Variants in CPA6 observed in about 807,000 individuals in gnomAD.
CPA6 encodes carboxypeptidase A6.
Under a neutral mutation model 63.3 loss-of-function variants are expected in CPA6, and 58 were observed. The ratio of observed to expected loss-of-function variants is 0.92; its 90% CI spans 0.74 to 1.14. The LOEUF is 1.14. CPA6 is among the 50% of genes most tolerant of loss of function. CPA6 has a pLI of 0.00. For missense variants in CPA6, 565 were observed against 526.6 expected (o/e 1.07, Z -0.71); for synonymous variants, 185 against 179.0 (o/e 1.03, Z -0.27).
intron 1 of CPA6, among the ~76,000 whole-genome samples, chr8:67,656,582 A>G (rs1442624462): frequency 6.6e-6 from 1 of 152,150 alleles, no homozygotes; most frequent in Non-Finnish European, 1.5e-5. Flanking sequence ...AAGAGTTCTC[A>G]AGTTCATGTC....
intron 1 of CPA6, among the ~76,000 whole-genome samples, chr8:67,715,092 T>G (rs1817350034): frequency 2.0e-5 from 3 of 150,788 alleles, no homozygotes; most frequent in African/African-American, 7.3e-5. Flanking sequence ...GTGGTTTTTG[T>G]TTTTTTTTCC....
chr8:67,622,795 C>T (rs1815111341), intron 2 of CPA6, among the ~76,000 whole-genome samples: 1 of 152,196 alleles, frequency 6.6e-6, no homozygotes, highest in African/African-American at 2.4e-5. Flanking sequence ...AAACATTTTT[C>T]TATTTCATAT....
chr8:67,696,457 A>T (rs954499898), intron 1 of CPA6, among the ~76,000 whole-genome samples: 7 of 152,236 alleles, frequency 4.6e-5, no homozygotes, highest in Non-Finnish European at 8.8e-5. Flanking sequence ...TTCTTTGGAC[A>T]GTTTGATGGC....
intron 2 of CPA6, among the ~76,000 whole-genome samples, chr8:67,585,536 A>G (rs990918143): frequency 6.6e-6 from 1 of 152,162 alleles, no homozygotes; most frequent in African/African-American, 2.4e-5. Context: ...TCGGTAGATA[A>G]GAAATTGAAG....
At chr8:67,745,941 G>T in intron 1 of CPA6, 73 bp downstream of exon 1, 1 of 1,042,346 alleles carries the variant, frequency 9.6e-7, no homozygotes, top group Non-Finnish European at 1.4e-6. Flanking sequence ...GAAAAAGTGA[G>T]GCACACTCTG....
At position 67,422,679 on chromosome 8, in the gene CPA6, C is replaced by T. The variant is rs1489206728; in HGVS notation, c.1139G>A (p.Gly380Asp). 2 of 1,609,168 alleles carry T rather than the reference C, an allele frequency of 1.2e-6. No individual in the cohort carries two copies. The highest frequency in any genetic ancestry group is 1.7e-6 in the Non-Finnish European group (2 of 1,177,692). The change falls in exon 11 of 11, where the codon GGT (glycine) becomes GAT (aspartate). Residue 380 changes from glycine (G) to aspartate (D), a missense_variant. Physicochemically the swap from Gly to Asp is moderately conservative, Grantham distance 94. Coordinates refer to ENST00000297770, the MANE Select transcript of CPA6 (RefSeq NM_020361.5). The part of the protein sequence containing the change: ...PASTTLYVSS[G>D]SSMDWAYKNG... Reference sequence around the variant, plus strand: ...TTTGTAGGCCCAATCCATTGAGCTACCAGAGCTCACATCTAAAAGTTAAAA... The same window carrying T: ...TTTGTAGGCCCAATCCATTGAGCTATCAGAGCTCACATCTAAAAGTTAAAA...
chr8:67,611,446 C>T (rs111924560), intron 2 of CPA6, among the ~76,000 whole-genome samples: 2 of 152,232 alleles, frequency 1.3e-5, no homozygotes, highest in African/African-American at 4.8e-5. Context: ...ACAACGAGAA[C>T]CTTATTTTAT....
intron 8 of CPA6, 58 bp from the exon 9 acceptor site, chr8:67,434,298 C>A: frequency 1.5e-6 from 2 of 1,326,056 alleles, no homozygotes; most frequent in South Asian, 1.2e-5. Flanking sequence ...ACAAGAAACA[C>A]AAATCAGCAC....
At chr8:67,722,919 C>T (rs1006793901) in intron 1 of CPA6, among the ~76,000 whole-genome samples, 4 of 151,698 alleles carry the variant, frequency 2.6e-5, no homozygotes, top group East Asian at 1.9e-4. Flanking sequence ...AGTTGATTTA[C>T]GCTCACAAAT....
chr8:67,453,594 G>A (rs1810604588), intron 8 of CPA6, among the ~76,000 whole-genome samples: 1 of 152,178 alleles, frequency 6.6e-6, no homozygotes, highest in African/African-American at 2.4e-5. Context: ...GGGAATGAAT[G>A]TAGATAGAGA....
chr8:67,427,953 G>T, intron 10 of CPA6, 94 bp downstream of exon 10: 1 of 787,544 alleles, frequency 1.3e-6, no homozygotes, highest in East Asian at 2.7e-5. Context: ...TTCACTTTAG[G>T]GAGAACACAC....
chr8:67,685,642 A>G (rs1434112615), intron 1 of CPA6, among the ~76,000 whole-genome samples: 1 of 152,190 alleles, frequency 6.6e-6, no homozygotes, highest in East Asian at 1.9e-4. Context: ...AAAAAATAAA[A>G]AAACTAGAAT....
chr8:67,658,275 C>A (rs771276766), intron 1 of CPA6, among the ~76,000 whole-genome samples: 7 of 152,156 alleles, frequency 4.6e-5, no homozygotes, highest in Non-Finnish European at 7.4e-5. Flanking sequence ...GATTGTAATG[C>A]TTTCTTTTTA....
At chr8:67,578,781 T>G (rs909314194) in intron 2 of CPA6, among the ~76,000 whole-genome samples, 1 of 152,194 alleles carries the variant, frequency 6.6e-6, no homozygotes. Flanking sequence ...ATCATTTTCA[T>G]TAACTTAAGT....
chr8:67,559,310 G>A (rs1813145024), intron 2 of CPA6, among the ~76,000 whole-genome samples: 1 of 152,016 alleles, frequency 6.6e-6, no homozygotes, highest in South Asian at 2.1e-4. Flanking sequence ...GATTAACCAG[G>A]TCTTATACTT....
At chr8:67,610,925 A>G (rs1022296946) in intron 2 of CPA6, among the ~76,000 whole-genome samples, 1 of 152,178 alleles carries the variant, frequency 6.6e-6, no homozygotes, top group African/African-American at 2.4e-5. Flanking sequence ...CTGTCTTTAA[A>G]CTATGAGGAT....
At chr8:67,657,420 G>T (rs1362195164) in intron 1 of CPA6, among the ~76,000 whole-genome samples, 1 of 152,192 alleles carries the variant, frequency 6.6e-6, no homozygotes, top group African/African-American at 2.4e-5. Flanking sequence ...AAATATCTGT[G>T]TTATAAACCT....
intron 2 of CPA6, among the ~76,000 whole-genome samples, chr8:67,593,143 C>A (rs1019801058): frequency 6.6e-6 from 1 of 150,432 alleles, no homozygotes; most frequent in Non-Finnish European, 1.5e-5. Flanking sequence ...TCATTATGTA[C>A]CCAGTAGTCA....
chr8:67,485,831 C>G (rs1373099452), intron 6 of CPA6, among the ~76,000 whole-genome samples: 19 of 152,130 alleles, frequency 1.2e-4, no homozygotes, highest in Admixed American at 1.2e-3. Flanking sequence ...GTTACCTATG[C>G]CAAAGAACAA....
Sources: gnomAD v4.1 joint callset for allele counts (sites outside exome capture counted in the v4.1 genomes callset) on GRCh38, gnomAD v4.1.1 for gene constraint, MANE v1.5 for transcripts, NCBI Gene and HGNC (gene_info 2026-07-23, HGNC 2026-07-21) for gene names.